The following TTC27 variants were observed in gnomAD, a reference collection of about 807,000 sequenced individuals.
TTC27 encodes the protein tetratricopeptide repeat domain 27, also known as tetratricopeptide repeat protein 27.
TTC27 carries 79 observed loss-of-function variants against 115.9 expected under a neutral mutation model. That is an observed-to-expected ratio of 0.68 (90% CI 0.57 to 0.82). The LOEUF is 0.82. Among genes scored for constraint, TTC27 ranks in the 40% least tolerant of loss-of-function variants. The probability of loss-of-function intolerance (pLI) is 0.00; values close to 1 mark genes in which losing one functional copy is unlikely to be tolerated. For synonymous variants in TTC27, 401 were observed against 356.0 expected, an observed-to-expected ratio of 1.13 and a Z score of -1.42; for missense variants, 1,054 against 993.1, an observed-to-expected ratio of 1.06 and a Z score of -0.82.
intron 18 of TTC27, among the ~76,000 whole-genome samples, chr2:32,814,303 A>G (rs1399160398): frequency 6.6e-6 from 1 of 152,208 alleles, no homozygotes; most frequent in African/African-American, 2.4e-5. Flanking sequence ...TTTCTTCATC[A>G]GGGCAATACT....
intron 10 of TTC27, among the ~76,000 whole-genome samples, chr2:32,712,343 T>TG (rs1667607718): frequency 6.6e-6 from 1 of 152,244 alleles, no homozygotes; most frequent in Non-Finnish European, 1.5e-5. Context: ...TTTTATTGCA[T>TG]GTTCAAGGCA....
intron 10 of TTC27, among the ~76,000 whole-genome samples, chr2:32,724,152 G>A (rs1373638894): frequency 6.6e-6 from 1 of 151,976 alleles, no homozygotes; most frequent in Non-Finnish European, 1.5e-5. Context: ...GTCCCCTGGA[G>A]AAGTTTTGGG....
intron 15 of TTC27, among the ~76,000 whole-genome samples, chr2:32,786,454 G>A (rs220654): frequency 0.66 from 99,592 of 152,020 alleles, 33,444 homozygotes; most frequent in African/African-American, 0.8. Context: ...TTAAAATTTT[G>A]TCGTTAGTAA....
intron 14 of TTC27, chr2:32,779,910 C>T: frequency 4.2e-6 from 1 of 235,436 alleles, no homozygotes; most frequent in East Asian, 9.8e-5. Context: ...TATTCTTTTC[C>T]TATTAATAGT....
intron 13 of TTC27, among the ~76,000 whole-genome samples, chr2:32,765,071 A>T (rs1416981548): frequency 6.6e-6 from 1 of 152,196 alleles, no homozygotes; most frequent in Non-Finnish European, 1.5e-5. Context: ...ATGAATCAGG[A>T]ATGTTCTTAT....
chr2:32,642,435 T>G (rs1664687884), intron 4 of TTC27, among the ~76,000 whole-genome samples: 2 of 151,734 alleles, frequency 1.3e-5, no homozygotes, highest in South Asian at 4.2e-4. Context: ...GTATTTTTAG[T>G]AGAGACATGG....
chr2:32,692,036 G>GTTTTTTTGTTTTTTTTTTTTT (rs1666831032), intron 9 of TTC27, among the ~76,000 whole-genome samples: 2 of 61,188 alleles, frequency 3.3e-5, no homozygotes, highest in Non-Finnish European at 5.8e-5. Flanking sequence ...AATTTTTTAG[G>GTTTTTTTGTTTTTTTTTTTTT]TTTTTTTTTT....
intron 18 of TTC27, among the ~76,000 whole-genome samples, chr2:32,814,117 A>G (rs1671404750): frequency 6.6e-6 from 1 of 152,036 alleles, no homozygotes; most frequent in Non-Finnish European, 1.5e-5. Flanking sequence ...CAACTTGCCA[A>G]CTCTAAGCAT....
At chr2:32,670,435 A>G (rs1231741482) in intron 7 of TTC27, among the ~76,000 whole-genome samples, 1 of 152,138 alleles carries the variant, frequency 6.6e-6, no homozygotes, top group Non-Finnish European at 1.5e-5. Flanking sequence ...AGAATTTCCA[A>G]TAAATGGAAT....
intron 12 of TTC27, 63 bp downstream of exon 12, chr2:32,736,879 T>G: frequency 6.4e-7 from 1 of 1,551,218 alleles, no homozygotes; most frequent in Non-Finnish European, 8.7e-7. Context: ...TCTTCTCACT[T>G]GTTTTGTTTT....
chr2:32,707,939 A>G (rs919248760), intron 10 of TTC27, among the ~76,000 whole-genome samples: 31 of 152,120 alleles, frequency 2.0e-4, no homozygotes, highest in African/African-American at 6.8e-4. Flanking sequence ...TTGTAGTGCC[A>G]GGAAGTAAGG....
rs191131311 is a variant in TTC27, at chr2:32,785,668, G to A, written c.1833-1316G>A. On this transcript the variant is annotated intron_variant, in intron 15 of 19. Transcript: ENST00000317907. Reference sequence around the variant, plus strand: ...TGGAGTGCAGTGGCGCGATCTCAGCGCACTGCAACCTCCACCTCCCGGGTT... The same window carrying A: ...TGGAGTGCAGTGGCGCGATCTCAGCACACTGCAACCTCCACCTCCCGGGTT... Among the ~76,000 whole-genome samples the A allele has an allele frequency of 7.6e-3, 1,144 of 151,388 alleles. 14 individuals carry two copies. Among genetic ancestry groups the A allele is most frequent in the African/African-American group, 0.025 (1,020 of 41,298 alleles).
At chr2:32,726,498 A>G (rs1025556860) in intron 10 of TTC27, among the ~76,000 whole-genome samples, 1 of 152,212 alleles carries the variant, frequency 6.6e-6, no homozygotes, top group Non-Finnish European at 1.5e-5. Context: ...CCTTTGCTCT[A>G]GTTCCCAACA....
chr2:32,706,575 T>G (rs1467762497), intron 10 of TTC27, among the ~76,000 whole-genome samples: 1 of 152,128 alleles, frequency 6.6e-6, no homozygotes, highest in African/African-American at 2.4e-5. Flanking sequence ...CTCGCCTTTT[T>G]GTTTTTGAGA....
At position 32,733,490 on chromosome 2, in the gene TTC27, G is replaced by A. The variant is rs114235403; in HGVS notation, c.1234-338G>A. Among the ~76,000 whole-genome samples the A allele has an allele frequency of 3.0e-4, 46 of 152,178 alleles. No homozygotes were observed. In the East Asian group the frequency reaches 8.3e-3, roughly 27 times the overall value. On this transcript the variant is annotated intron_variant, in intron 10 of 19. Coordinates refer to ENST00000317907, the MANE Select transcript of TTC27 (RefSeq NM_017735.5). The stretch of plus-strand genomic sequence containing the variant: ...TATTATAAAGTGCCATGGTCAAAGT[G>A]GCATTATGTTGTGAAATAGATAAGC...
intron 9 of TTC27, among the ~76,000 whole-genome samples, chr2:32,696,970 G>A (rs1667008447): frequency 6.6e-6 from 1 of 152,132 alleles, no homozygotes; most frequent in South Asian, 2.1e-4. Context: ...AGGCCAAGGT[G>A]GGCTCATTGC....
At chr2:32,741,932 G>C (rs1467071500) in intron 12 of TTC27, among the ~76,000 whole-genome samples, 7 of 152,136 alleles carry the variant, frequency 4.6e-5, no homozygotes, top group African/African-American at 1.7e-4. Flanking sequence ...TCTAACTTTA[G>C]GAGTAGAAAT....
At position 32,820,907 on chromosome 2, in the gene TTC27, A is replaced by T. The variant is rs1337689800; in HGVS notation, c.2501A>T (p.Asp834Val). Reference sequence around the variant, plus strand: ...GACACCTTAGTGACAGAGCTCCAAGACCTAAGCAACCAGTTTCGAAATCAG... The same window carrying T: ...GACACCTTAGTGACAGAGCTCCAAGTCCTAAGCAACCAGTTTCGAAATCAG... ...AMDTLVTELQ[D>V]LSNQFRNQY The change falls in exon 20 of 20, where the codon GAC (aspartate) becomes GTC (valine). Residue 834 changes from aspartate to valine, a missense_variant. Coordinates refer to ENST00000317907, the MANE Select transcript of TTC27 (RefSeq NM_017735.5). The T allele has an allele frequency of 3.9e-6, 6 of 1,528,622 alleles. No homozygotes were observed. In the South Asian group the frequency reaches 7.5e-5, roughly 19 times the overall value. The allele number at this position is 1,528,622 out of a possible 1,614,324, so 94.7% of individuals were successfully genotyped here.
At chr2:32,651,428 C>T (rs369844419) in intron 5 of TTC27, among the ~76,000 whole-genome samples, 4 of 152,138 alleles carry the variant, frequency 2.6e-5, no homozygotes, top group African/African-American at 9.7e-5. Flanking sequence ...CTCACTGCAA[C>T]CTCCGCCTCC....
Sources: gnomAD v4.1 joint callset for allele counts (sites outside exome capture counted in the v4.1 genomes callset) on GRCh38, gnomAD v4.1.1 for gene constraint, MANE v1.5 for transcripts, NCBI Gene and HGNC (gene_info 2026-07-23, HGNC 2026-07-21) for gene names.